Variants in ZBTB20 observed in about 807,000 individuals in gnomAD.
The protein encoded by ZBTB20 is zinc finger and BTB domain-containing protein 20.
Under a neutral mutation model 56.9 loss-of-function variants are expected in ZBTB20, and 9 were observed. The observed-to-expected ratio is 0.16, with a 90% CI of 0.10 to 0.28. ZBTB20 has a LOEUF of 0.28. Among genes scored for constraint, ZBTB20 ranks in the 10% least tolerant of loss-of-function variants. The probability of loss-of-function intolerance (pLI) is 1.00; values close to 1 mark genes in which losing one functional copy is unlikely to be tolerated. For missense variants in ZBTB20, 655 were observed against 1,003.0 expected (o/e 0.65, Z 4.69); for synonymous variants, 417 against 420.7 (o/e 0.99, Z 0.11).
intron 5 of ZBTB20, among the ~76,000 whole-genome samples, chr3:114,755,228 C>A (rs1560212284): frequency 1.3e-5 from 2 of 152,096 alleles, no homozygotes; most frequent in Non-Finnish European, 2.9e-5. Flanking sequence ...CTTTTCAATA[C>A]GAAGAGAAGA....
intron 6 of ZBTB20, among the ~76,000 whole-genome samples, chr3:114,642,512 A>G (rs948986940): frequency 3.3e-5 from 5 of 152,048 alleles, no homozygotes; most frequent in Non-Finnish European, 7.4e-5. Context: ...TTTGTGAGAA[A>G]TAGAGCATAC....
intron 7 of ZBTB20, among the ~76,000 whole-genome samples, chr3:114,486,970 C>T (rs2042215105): frequency 6.6e-6 from 1 of 151,894 alleles, no homozygotes; most frequent in South Asian, 2.1e-4. Context: ...AAAGAAGAAC[C>T]CTGATAAAAG....
At chr3:115,080,232 A>C (rs2082749437) in intron 1 of ZBTB20, among the ~76,000 whole-genome samples, 1 of 152,164 alleles carries the variant, frequency 6.6e-6, no homozygotes, top group African/African-American at 2.4e-5. Flanking sequence ...GAAGGTCTTC[A>C]CCAGAACTCA....
chr3:114,545,943 G>C (rs2049828512), intron 6 of ZBTB20, among the ~76,000 whole-genome samples: 1 of 152,154 alleles, frequency 6.6e-6, no homozygotes, highest in South Asian at 2.1e-4. Context: ...GGCTAAAATA[G>C]AGTCAGAAGG....
intron 11 of ZBTB20, 51 bp downstream of exon 11, chr3:114,350,223 C>T: frequency 6.5e-7 from 1 of 1,544,882 alleles, no homozygotes; most frequent in Middle Eastern, 1.8e-4. Flanking sequence ...CTTGCCTTCC[C>T]ACAGCCCCCT....
intron 7 of ZBTB20, among the ~76,000 whole-genome samples, chr3:114,391,360 G>C (rs1415698585): frequency 3.3e-5 from 5 of 152,238 alleles, no homozygotes; most frequent in Admixed American, 3.3e-4. Flanking sequence ...CTACGCTCCA[G>C]CAAAGTCCTA....
At chr3:114,364,644 C>T (rs2082215516) in intron 10 of ZBTB20, among the ~76,000 whole-genome samples, 1 of 152,166 alleles carries the variant, frequency 6.6e-6, no homozygotes, top group Non-Finnish European at 1.5e-5. Flanking sequence ...TCAACAGTTA[C>T]GTCTACAGCA....
chr3:114,833,156 C>A (rs1261732760), intron 4 of ZBTB20, among the ~76,000 whole-genome samples: 1 of 152,064 alleles, frequency 6.6e-6, no homozygotes, highest in Non-Finnish European at 1.5e-5. Flanking sequence ...CTCTTCTATA[C>A]ATAAGAAAAT....
intron 1 of ZBTB20, among the ~76,000 whole-genome samples, chr3:115,136,645 T>C (rs1052415405): frequency 6.6e-6 from 1 of 152,114 alleles, no homozygotes; most frequent in Non-Finnish European, 1.5e-5. Flanking sequence ...AACAGAGTAA[T>C]GCATACCCCA....
chr3:114,344,315 T>A (rs936168574), intron 11 of ZBTB20, among the ~76,000 whole-genome samples: 2 of 152,166 alleles, frequency 1.3e-5, no homozygotes, highest in Admixed American at 6.5e-5. Flanking sequence ...GATATTAACA[T>A]CCCCAGAAAA....
intron 7 of ZBTB20, among the ~76,000 whole-genome samples, chr3:114,417,853 C>T (rs941635575): frequency 3.9e-5 from 6 of 152,004 alleles, no homozygotes. Context: ...ACTTAATAAT[C>T]AAAGTATATG....
chr3:114,668,562 C>T (rs1342372647), intron 6 of ZBTB20, among the ~76,000 whole-genome samples: 1 of 151,962 alleles, frequency 6.6e-6, no homozygotes, highest in Non-Finnish European at 1.5e-5. Flanking sequence ...CTTCCTGCCC[C>T]AAAGCCAAGA....
At chr3:114,635,192 G>A (rs2059190058) in intron 6 of ZBTB20, among the ~76,000 whole-genome samples, 1 of 152,070 alleles carries the variant, frequency 6.6e-6, no homozygotes, top group Non-Finnish European at 1.5e-5. Context: ...TGTATAATAA[G>A]AAAAAAACAT....
At position 114,513,786 on chromosome 3, in the gene ZBTB20, C is replaced by T. The variant is rs891692630; in HGVS notation, c.-294-13395G>A. The stretch of plus-strand genomic sequence containing the variant: ...ATCTCCTCACTGGTTTCCCTTATTC[C>T]ATAGTGTGCCTTCTCCTTCCATCTT... On this transcript the variant is annotated intron_variant, in intron 6 of 11. Coordinates refer to ENST00000675478, the MANE Select transcript of ZBTB20 (RefSeq NM_001348800.3). 2.0e-5 allele frequency among the ~76,000 whole-genome samples: 3 copies of T among 152,036 alleles called. No homozygotes were observed. The East Asian group carries it at 5.8e-4, about 29-fold the overall frequency.
At chr3:114,681,228 T>C (rs955475148) in intron 6 of ZBTB20, among the ~76,000 whole-genome samples, 5 of 151,654 alleles carry the variant, frequency 3.3e-5, no homozygotes, top group South Asian at 4.2e-4. Flanking sequence ...GGTGCGATCT[T>C]GGCTCACTGC....
At chr3:114,655,731 GTATCT>G (rs1258251718) in intron 6 of ZBTB20, among the ~76,000 whole-genome samples, 6 of 152,068 alleles carry the variant, frequency 3.9e-5, no homozygotes, top group African/African-American at 9.7e-5. Flanking sequence ...GCAAATGTGA[GTATCT>G]TATAAGTATA....
At chr3:114,789,495 G>A (rs1482265883) in intron 5 of ZBTB20, among the ~76,000 whole-genome samples, 1 of 152,134 alleles carries the variant, frequency 6.6e-6, no homozygotes, top group East Asian at 1.9e-4. Flanking sequence ...AACTTTATAG[G>A]TTTTAATATG....
At chr3:114,576,365 G>A (rs972061770) in intron 6 of ZBTB20, among the ~76,000 whole-genome samples, 2 of 151,416 alleles carry the variant, frequency 1.3e-5, no homozygotes, top group African/African-American at 2.4e-5. Flanking sequence ...AGCCAGGCGT[G>A]GTGGCGGGCG....
intron 3 of ZBTB20, among the ~76,000 whole-genome samples, chr3:114,919,709 A>G (rs2075885042): frequency 6.6e-6 from 1 of 152,116 alleles, no homozygotes. Context: ...CATCTCAAAA[A>G]AAAAAAAGAA....
Sources: gnomAD v4.1 joint callset for allele counts (sites outside exome capture counted in the v4.1 genomes callset) on GRCh38, gnomAD v4.1.1 for gene constraint, MANE v1.5 for transcripts, NCBI Gene and HGNC (gene_info 2026-07-23, HGNC 2026-07-21) for gene names.